HOXD9: variants seen among roughly 807,000 people sequenced by gnomAD.
HOXD9 encodes the protein homeobox protein Hox-D9.
A neutral mutation model predicts 24.6 loss-of-function variants in HOXD9; 21 were observed. The ratio of observed to expected loss-of-function variants is 0.85; its 90% CI spans 0.61 to 1.23. The LOEUF (loss-of-function observed/expected upper bound fraction) is 1.23. Ranked by LOEUF, HOXD9 falls within the 50% of genes most tolerant of loss-of-function variation. The probability of loss-of-function intolerance (pLI) is 0.00; values close to 1 mark genes in which losing one functional copy is unlikely to be tolerated. For synonymous variants in HOXD9, 240 were observed against 226.4 expected, an observed-to-expected ratio of 1.06 and a Z score of -0.54; for missense variants, 503 against 503.6, an observed-to-expected ratio of 1.00 and a Z score of 0.01.
Position 176,123,963 on chromosome 2 carries a change from C to T in HOXD9, c.847C>T (p.Arg283Cys), listed in dbSNP as rs567457035. 4.3e-6 allele frequency: 7 copies of T among 1,612,970 alleles called. No homozygotes were observed. The highest frequency in any genetic ancestry group is 2.7e-5 in the African/African-American group (2 of 74,856). ...NNPAANWIHARSTRKKRCPYT... is the reference protein window; with the variant it reads ...NNPAANWIHACSTRKKRCPYT... ...CCCCGCCGCGAACTGGATCCACGCT[C>T]GCTCCACCCGGAAAAAGCGCTGTCC... The change falls in exon 2 of 2, where the codon CGC becomes TGC. Residue 283 changes from arginine (R) to cysteine (C), a missense_variant. Coordinates refer to ENST00000249499, the MANE Select transcript of HOXD9 (RefSeq NM_014213.4). This position sits in a 1 kb window ranked among gnomAD's most constrained non-coding sequence, Gnocchi z 4.2.
At position 176,124,052 on chromosome 2, in the gene HOXD9, G is replaced by C. The variant is rs780806613; in HGVS notation, c.936G>C (p.Arg312=). ...KEFLFNMYLT[R]DRRYEVARIL... is the part of the protein sequence containing the mutation. ...TCCTCTTCAACATGTACCTCACCCG[G>C]GACCGGCGCTACGAGGTGGCCAGGA... The change falls in exon 2 of 2, where the codon CGG becomes CGC. Residue 312 remains arginine, a synonymous_variant. Coordinates refer to ENST00000249499, the MANE Select transcript of HOXD9 (RefSeq NM_014213.4). 6.2e-7 allele frequency: 1 copy of C among 1,614,014 alleles called. No individual in the cohort carries two copies. Among genetic ancestry groups the C allele is most frequent in the African/African-American group, 1.3e-5 (1 of 74,896 alleles).
Position 176,123,267 on chromosome 2 carries a change from G to A in HOXD9, c.499G>A (p.Ala167Thr). The A allele has an allele frequency of 2.6e-6, 4 of 1,527,276 alleles. No individual in the cohort carries two copies. Among genetic ancestry groups the A allele is most frequent in the Non-Finnish European group, 3.5e-6 (4 of 1,134,020 alleles). The allele number at this position is 1,527,276 out of a possible 1,614,324, so 94.6% of individuals were successfully genotyped here. A position where few individuals can be genotyped will look rare whatever the true frequency, so the allele number is the denominator to read the frequency against. ...HYGIKPETRA[A>T]PAPATAASTT... ...CGGGATTAAGCCTGAAACCCGAGCG[G>A]CCCCGGCCCCCGCCACGGCCGCCTC... is the stretch of plus-strand genomic sequence containing the variant. Residue 167 changes from alanine (A) to threonine (T), a missense_variant, in exon 1 of 2, where the codon GCC (alanine) becomes ACC (threonine). Ala to Thr is a moderately conservative substitution (Grantham distance 58). Coordinates refer to ENST00000249499, the MANE Select transcript of HOXD9 (RefSeq NM_014213.4). The surrounding 1 kb of genome is among the most constrained non-coding windows in gnomAD (Gnocchi z 4.2).
In HOXD9 at chr2:176,123,190, C is replaced by G. The variant is rs1689908716; in HGVS notation, c.422C>G (p.Pro141Arg). 3.5e-6 allele frequency: 5 copies of G among 1,411,934 alleles called. No individual in the cohort carries two copies. Among genetic ancestry groups the G allele is most frequent in the Non-Finnish European group, 4.6e-6 (5 of 1,087,080 alleles). The allele number at this position is 1,411,934 out of a possible 1,614,324, so 87.5% of individuals were successfully genotyped here. ...GGCGGTGGTGGTGGAGGCGGCGGTC[C>G]GGGCCGCGGTCCCAGCCCTGGCCCC... ...GGGGGGGGGG[P>R]GRGPSPGPSG... Residue 141 changes from proline to arginine, a missense_variant, in exon 1 of 2, where the codon CCG becomes CGG. By Grantham distance (103) the Pro-to-Arg change is moderately radical. Transcript: ENST00000249499. This position sits in a 1 kb window ranked among gnomAD's most constrained non-coding sequence, Gnocchi z 4.2.
In HOXD9 at chr2:176,123,300, T is replaced by C. The variant is rs973974359; in HGVS notation, c.532T>C (p.Ser178Pro). The C allele has an allele frequency of 9.2e-6, 14 of 1,525,268 alleles. No individual in the cohort carries two copies. Among genetic ancestry groups the C allele is most frequent in the Non-Finnish European group, 1.2e-5 (14 of 1,131,842 alleles). The allele number at this position is 1,525,268 out of a possible 1,614,324, so 94.5% of individuals were successfully genotyped here. The change falls in exon 1 of 2, where the codon TCC becomes CCC. Residue 178 changes from serine to proline, a missense_variant. Physicochemically the swap from Ser to Pro is moderately conservative, Grantham distance 74. Transcript: ENST00000249499. The surrounding 1 kb of genome is among the most constrained non-coding windows in gnomAD (Gnocchi z 4.2). ...CCCCGCCACGGCCGCCTCCACCACC[T>C]CCTCCTCCTCCACTTCCTTATCCTC... ...PAPATAASTT[S>P]SSSTSLSSSS...
Position 176,123,868 on chromosome 2 carries a change from C to G in HOXD9, c.818-66C>G. ...TTAATTTAACGACCTCTCTTCCCCA[C>G]CCTGTGGTCTCTCCCTGCCTCCCCT... On this transcript the variant is annotated intron_variant, in intron 1 of 1. Coordinates refer to ENST00000249499, the MANE Select transcript of HOXD9 (RefSeq NM_014213.4). The surrounding 1 kb of genome is among the most constrained non-coding windows in gnomAD (Gnocchi z 4.2). 1 of 1,371,254 alleles carries G rather than the reference C, an allele frequency of 7.3e-7. No homozygotes were observed. Among genetic ancestry groups the G allele is most frequent in the South Asian group, 1.3e-5 (1 of 76,900 alleles). 84.9% of individuals were successfully genotyped at this position (1,371,254 alleles called of 1,614,324 possible).
In HOXD9 at chr2:176,124,267, A is replaced by AC; in HGVS notation, c.*92_*93insC. The AC allele has an allele frequency of 2.0e-6, 3 of 1,473,724 alleles. No individual in the cohort carries two copies. The highest frequency in any genetic ancestry group is 2.7e-6 in the Non-Finnish European group (3 of 1,113,264). The allele number at this position is 1,473,724 out of a possible 1,614,324, so 91.3% of individuals were successfully genotyped here. On this transcript the variant is annotated 3_prime_UTR_variant, in exon 2 of 2. Coordinates refer to ENST00000249499, the MANE Select transcript of HOXD9 (RefSeq NM_014213.4). ...GGGTGTTTGGTGCTTGATTTCCAGA[A>AC]ACTCTCCAGCGACTTGGACTTCTTC...
Position 176,124,232 on chromosome 2 carries a change from T to C in HOXD9, c.*57T>C. 6.6e-7 allele frequency: 1 copy of C among 1,526,662 alleles called. No individual in the cohort carries two copies. Among genetic ancestry groups the C allele is most frequent in the Non-Finnish European group, 8.8e-7 (1 of 1,136,704 alleles). 94.6% of individuals were successfully genotyped at this position (1,526,662 alleles called of 1,614,324 possible). A position where few individuals can be genotyped will look rare whatever the true frequency, so the allele number is the denominator to read the frequency against. On this transcript the variant is annotated 3_prime_UTR_variant, in exon 2 of 2. Transcript: ENST00000249499. ...GCAGCGGATTTGTTGTTGTTGCTGT[T>C]TTCCTTTGTGGGTGTTTGGTGCTTG...
rs745377563 is a variant in HOXD9 at position 176,123,545 on chromosome 2, G to C, written c.777G>C (p.Glu259Asp). Residue 259 changes from glutamate to aspartate, a missense_variant, in exon 1 of 2, where the codon GAG becomes GAC. By Grantham distance (45) the Glu-to-Asp change is conservative. Transcript: ENST00000249499. The surrounding 1 kb of genome is among the most constrained non-coding windows in gnomAD (Gnocchi z 4.2). The part of the protein sequence containing the change: ...PIPGCSLKEE[E>D]KQHSQPQQQQ... ...CAGGCTGTTCGCTGAAGGAGGAGGA[G>C]AAGCAGCATTCGCAGCCGCAGCAGC... 3 of 1,482,408 alleles carry C rather than the reference G, an allele frequency of 2.0e-6. No individual in the cohort carries two copies. Among genetic ancestry groups the C allele is most frequent in the Non-Finnish European group, 2.7e-6 (3 of 1,115,638 alleles). The allele number at this position is 1,482,408 out of a possible 1,614,324, so 91.8% of individuals were successfully genotyped here.
chr2:176,124,128 A>G lies in HOXD9; in HGVS notation c.1012A>G (p.Met338Val). Reference protein sequence around the residue: ...QVKIWFQNRRMKMKKMSKEKC... With the variant: ...QVKIWFQNRRVKMKKMSKEKC... ...CAAAATCTGGTTTCAGAACCGTAGG[A>G]TGAAAATGAAAAAGATGAGCAAGGA... Residue 338 changes from methionine to valine, a missense_variant, in exon 2 of 2, where the codon ATG (methionine) becomes GTG (valine). Coordinates refer to ENST00000249499, the MANE Select transcript of HOXD9 (RefSeq NM_014213.4). 1 of 1,613,720 alleles carries G rather than the reference A, an allele frequency of 6.2e-7. No homozygotes were observed. Among genetic ancestry groups the G allele is most frequent in the East Asian group, 2.2e-5 (1 of 44,858 alleles).
rs1026511263 is a variant in HOXD9 at position 176,124,034 on chromosome 2, C to T, written c.918C>T (p.Phe306=). 2 of 1,614,062 alleles carry T rather than the reference C, an allele frequency of 1.2e-6. No individual in the cohort carries two copies. The highest frequency in any genetic ancestry group is 1.7e-6 in the Non-Finnish European group (2 of 1,180,022). Residue 306 remains phenylalanine, a synonymous_variant, in exon 2 of 2, where the codon TTC becomes TTT. Transcript: ENST00000249499. The part of the protein sequence containing the change: ...QTLELEKEFL[F]NMYLTRDRRY... The stretch of plus-strand genomic sequence containing the variant: ...TTGAGCTGGAGAAAGAATTCCTCTT[C>T]AACATGTACCTCACCCGGGACCGGC...
chr2:176,123,594 A>G lies in HOXD9; in HGVS notation c.817+9A>G, dbSNP rs549923208. ...GCAGCAACTTGACCCAAGTAAGTGC[A>G]AAAGAAATTGCCCCCTGATTTATTG... On this transcript the variant is annotated intron_variant, in intron 1 of 1. Transcript: ENST00000249499. This position sits in a 1 kb window ranked among gnomAD's most constrained non-coding sequence, Gnocchi z 4.2. 3.4e-6 allele frequency: 5 copies of G among 1,485,002 alleles called. No homozygotes were observed. Among genetic ancestry groups the G allele is most frequent in the African/African-American group, 1.4e-5 (1 of 70,038 alleles). The allele number at this position is 1,485,002 out of a possible 1,614,324, so 92.0% of individuals were successfully genotyped here.
rs1204643515 is a variant in HOXD9 at position 176,123,771 on chromosome 2, A to C, written c.818-163A>C. ...CCTGGGCGCTCAGTTAGTACGGTAA[A>C]CAGAGCGCGAGCATTAAGGCTTTTT... On this transcript the variant is annotated intron_variant, in intron 1 of 1. Transcript: ENST00000249499. This position sits in a 1 kb window ranked among gnomAD's most constrained non-coding sequence, Gnocchi z 4.2. Among the ~76,000 whole-genome samples, 2 of 152,136 alleles carry C rather than the reference A, an allele frequency of 1.3e-5. No homozygotes were observed. Among genetic ancestry groups the C allele is most frequent in the Non-Finnish European group, 2.9e-5 (2 of 68,026 alleles).
At position 176,123,597 on chromosome 2, in the gene HOXD9, A is replaced by C; in HGVS notation, c.817+12A>C. ...GCAACTTGACCCAAGTAAGTGCAAA[A>C]GAAATTGCCCCCTGATTTATTGCTG... On this transcript the variant is annotated intron_variant, in intron 1 of 1. Transcript: ENST00000249499. This position sits in a 1 kb window ranked among gnomAD's most constrained non-coding sequence, Gnocchi z 4.2. 1 of 1,485,468 alleles carries C rather than the reference A, an allele frequency of 6.7e-7. No homozygotes were observed. 92.0% of individuals were successfully genotyped at this position (1,485,468 alleles called of 1,614,324 possible).
At position 176,123,101 on chromosome 2, in the gene HOXD9, G is replaced by T. The variant is rs754783570; in HGVS notation, c.333G>T (p.Glu111Asp). ...PPPPLAASAS[E>D]PGRYVRSWME... is the part of the protein sequence containing the mutation. ...CGCCCCTGGCCGCCTCTGCCTCCGA[G>T]CCCGGCCGCTACGTGCGCTCCTGGA... Residue 111 changes from glutamate to aspartate, a missense_variant, in exon 1 of 2, where the codon GAG (glutamate) becomes GAT (aspartate). Coordinates refer to ENST00000249499, the MANE Select transcript of HOXD9 (RefSeq NM_014213.4). This position sits in a 1 kb window ranked among gnomAD's most constrained non-coding sequence, Gnocchi z 4.2. The T allele has an allele frequency of 1.4e-5, 21 of 1,527,696 alleles. No individual in the cohort carries two copies. The African/African-American group carries it at 1.6e-4, about 12-fold the overall frequency. 94.6% of individuals were successfully genotyped at this position (1,527,696 alleles called of 1,614,324 possible).
At position 176,124,236 on chromosome 2, in the gene HOXD9, C is replaced by G; in HGVS notation, c.*61C>G. ...CGGATTTGTTGTTGTTGCTGTTTTC[C>G]TTTGTGGGTGTTTGGTGCTTGATTT... is the stretch of plus-strand genomic sequence containing the variant. On this transcript the variant is annotated 3_prime_UTR_variant, in exon 2 of 2. Transcript: ENST00000249499. 1 of 1,517,298 alleles carries G rather than the reference C, an allele frequency of 6.6e-7. No individual in the cohort carries two copies. Among genetic ancestry groups the G allele is most frequent in the Non-Finnish European group, 8.8e-7 (1 of 1,132,864 alleles). The allele number at this position is 1,517,298 out of a possible 1,614,324, so 94.0% of individuals were successfully genotyped here.
In HOXD9 at chr2:176,122,736, C is replaced by T. The variant is rs754623574; in HGVS notation, c.-33C>T. The T allele has an allele frequency of 6.9e-7, 1 of 1,454,582 alleles. No homozygotes were observed. Among genetic ancestry groups the T allele is most frequent in the South Asian group, 1.5e-5 (1 of 67,248 alleles). 90.1% of individuals were successfully genotyped at this position (1,454,582 alleles called of 1,614,324 possible). ...TGCGAACTAGTCGGTGGCTCGGGCG[C>T]CGGCGGGGAGCTGCTCGGCGGCGGA... On this transcript the variant is annotated 5_prime_UTR_variant, in exon 1 of 2. Coordinates refer to ENST00000249499, the MANE Select transcript of HOXD9 (RefSeq NM_014213.4).
Position 176,124,288 on chromosome 2 carries a change from TC to T in HOXD9, c.*114del. The T allele has an allele frequency of 7.3e-7, 1 of 1,366,432 alleles. No individual in the cohort carries two copies. The highest frequency in any genetic ancestry group is 1.6e-5 in the African/African-American group (1 of 63,858). The allele number at this position is 1,366,432 out of a possible 1,614,324, so 84.6% of individuals were successfully genotyped here. A position where few individuals can be genotyped will look rare whatever the true frequency, so the allele number is the denominator to read the frequency against. Reference sequence around the variant, plus strand: ...CAGAAACTCTCCAGCGACTTGGACTTCTTCTTCTTTTTTTTTTTCTTTTTAG... The same window carrying T: ...CAGAAACTCTCCAGCGACTTGGACTTTTCTTCTTTTTTTTTTTCTTTTTAG... On this transcript the variant is annotated 3_prime_UTR_variant, in exon 2 of 2. Coordinates refer to ENST00000249499, the MANE Select transcript of HOXD9 (RefSeq NM_014213.4).
Position 176,123,868 on chromosome 2 carries a change from C to T in HOXD9, c.818-66C>T. On this transcript the variant is annotated intron_variant, in intron 1 of 1. Transcript: ENST00000249499. This position sits in a 1 kb window ranked among gnomAD's most constrained non-coding sequence, Gnocchi z 4.2. ...TTAATTTAACGACCTCTCTTCCCCA[C>T]CCTGTGGTCTCTCCCTGCCTCCCCT... The T allele has an allele frequency of 7.3e-7, 1 of 1,371,254 alleles. No homozygotes were observed. Among genetic ancestry groups the T allele is most frequent in the Non-Finnish European group, 1.0e-6 (1 of 986,072 alleles). The allele number at this position is 1,371,254 out of a possible 1,614,324, so 84.9% of individuals were successfully genotyped here. A position where few individuals can be genotyped will look rare whatever the true frequency, so the allele number is the denominator to read the frequency against.
At position 176,124,004 on chromosome 2, in the gene HOXD9, G is replaced by C; in HGVS notation, c.888G>C (p.Gln296His). 6.2e-7 allele frequency: 1 copy of C among 1,614,138 alleles called. No individual in the cohort carries two copies. The highest frequency in any genetic ancestry group is 8.5e-7 in the Non-Finnish European group (1 of 1,180,008). ...RKKRCPYTKYQTLELEKEFLF... is the reference protein window; with the variant it reads ...RKKRCPYTKYHTLELEKEFLF... ...AGCGCTGTCCCTACACCAAATACCA[G>C]ACGCTTGAGCTGGAGAAAGAATTCC... The change falls in exon 2 of 2, where the codon CAG (glutamine) becomes CAC (histidine). Residue 296 changes from glutamine to histidine, a missense_variant. Physicochemically the swap from Gln to His is conservative, Grantham distance 24. Coordinates refer to ENST00000249499, the MANE Select transcript of HOXD9 (RefSeq NM_014213.4).
Sources: allele counts gnomAD v4.1 joint callset (sites outside exome capture counted in the v4.1 genomes callset), GRCh38; gene constraint gnomAD v4.1.1; non-coding constraint Gnocchi (gnomAD v3.1); transcripts MANE v1.5; gene names NCBI Gene and HGNC (gene_info 2026-07-23, HGNC 2026-07-21).